The following WWOX variants were observed in gnomAD, a reference collection of about 807,000 sequenced individuals.
WWOX encodes the protein WW domain-containing oxidoreductase.
Under a neutral mutation model 46.2 loss-of-function variants are expected in WWOX, and 69 were observed. The observed-to-expected ratio is 1.49, with a 90% CI of 1.23 to 1.82. WWOX has a LOEUF of 1.82. WWOX is among the 40% of genes most tolerant of loss of function. The pLI is 0.00. For synonymous variants in WWOX, 359 were observed against 202.6 expected, an observed-to-expected ratio of 1.77 and a Z score of -6.56; for missense variants, 919 against 542.6, an observed-to-expected ratio of 1.69 and a Z score of -6.89.
intron 8 of WWOX, among the ~76,000 whole-genome samples, chr16:78,508,522 G>A (rs1436527560): frequency 1.3e-5 from 2 of 152,084 alleles, no homozygotes; most frequent in Non-Finnish European, 2.9e-5. Context: ...TGGCCTTGAT[G>A]TCGGAGTGTT....
At chr16:78,994,563 T>C (rs11150130) in intron 8 of WWOX, among the ~76,000 whole-genome samples, 151,205 of 152,290 alleles carry the variant, frequency 0.99, 75,072 homozygotes, top group East Asian at 1. Context: ...GAAATGAATG[T>C]GAAGACCGAG....
intron 8 of WWOX, among the ~76,000 whole-genome samples, chr16:78,701,539 C>G (rs930095842): frequency 3.3e-5 from 5 of 152,098 alleles, no homozygotes; most frequent in Non-Finnish European, 5.9e-5. Flanking sequence ...TACTCCCTCT[C>G]CCTACTTTTC....
At position 79,212,246 on chromosome 16, in the gene WWOX, C is replaced by T. The variant is rs2051789332; in HGVS notation, c.*450C>T. 2 of 1,335,044 alleles carry T rather than the reference C, an allele frequency of 1.5e-6. No homozygotes were observed. Among genetic ancestry groups the T allele is most frequent in the Non-Finnish European group, 2.0e-6 (2 of 1,009,488 alleles). The allele number at this position is 1,335,044 out of a possible 1,614,324, so 82.7% of individuals were successfully genotyped here. ...GTTCACTGCTCCTTGCTGCATTGAT[C>T]CAGGAGATAATTGTTTCATTCATCC... On this transcript the variant is annotated 3_prime_UTR_variant, in exon 9 of 9. Coordinates refer to ENST00000566780, the MANE Select transcript of WWOX (RefSeq NM_016373.4).
chr16:78,366,506 C>T (rs1162369518), intron 5 of WWOX, among the ~76,000 whole-genome samples: 5 of 152,176 alleles, frequency 3.3e-5, no homozygotes, highest in Non-Finnish European at 5.9e-5. Context: ...AATTATAAGA[C>T]TGTTAGACTT....
At chr16:78,421,149 C>T (rs2082918619) in intron 6 of WWOX, among the ~76,000 whole-genome samples, 1 of 152,100 alleles carries the variant, frequency 6.6e-6, no homozygotes, top group African/African-American at 2.4e-5. Flanking sequence ...TATTAGTTTT[C>T]TAAAGCTATT....
chr16:78,452,762 C>G (rs558849139), intron 8 of WWOX, among the ~76,000 whole-genome samples: 1 of 151,788 alleles, frequency 6.6e-6, no homozygotes, highest in East Asian at 1.9e-4. Context: ...CAGGCATGAA[C>G]CACTGTGCCT....
intron 4 of WWOX, among the ~76,000 whole-genome samples, chr16:78,159,481 A>T (rs770054213): frequency 6.6e-6 from 1 of 152,102 alleles, no homozygotes; most frequent in Non-Finnish European, 1.5e-5. Flanking sequence ...CACACCCTGA[A>T]CCACACTTGT....
intron 8 of WWOX, among the ~76,000 whole-genome samples, chr16:78,856,288 G>T (rs1161162235): frequency 2.0e-5 from 3 of 152,178 alleles, no homozygotes; most frequent in Non-Finnish European, 2.9e-5. Context: ...GGCAAGTAGG[G>T]GCACCGAAAG....
chr16:78,407,905 C>G (rs1489191084), intron 6 of WWOX, among the ~76,000 whole-genome samples: 2 of 152,202 alleles, frequency 1.3e-5, no homozygotes, highest in Non-Finnish European at 2.9e-5. Context: ...TTTGCACATA[C>G]AGATTATGGC....
intron 8 of WWOX, among the ~76,000 whole-genome samples, chr16:78,522,661 T>C (rs906256309): frequency 1.3e-5 from 2 of 152,256 alleles, no homozygotes; most frequent in African/African-American, 2.4e-5. Context: ...TAATAAGTAA[T>C]TGAGCAGATG....
At chr16:78,477,758 T>C (rs527735970) in intron 8 of WWOX, among the ~76,000 whole-genome samples, 1 of 152,192 alleles carries the variant, frequency 6.6e-6, no homozygotes, top group Non-Finnish European at 1.5e-5. Context: ...TTTAGCACTT[T>C]AATTTTTTAA....
At chr16:79,099,571 T>C (rs532750776) in intron 8 of WWOX, among the ~76,000 whole-genome samples, 24 of 147,686 alleles carry the variant, frequency 1.6e-4, no homozygotes, top group African/African-American at 5.1e-4. Context: ...AGATTGTGTG[T>C]GCGTGTGTGT....
chr16:79,196,313 C>G (rs948016454), intron 8 of WWOX: 2 of 152,114 alleles, frequency 1.3e-5, no homozygotes, highest in Non-Finnish European at 2.9e-5. Context: ...CAATGAGAGA[C>G]CAAGTTGAAA....
In WWOX at chr16:78,524,412, A is replaced by G. The variant is rs112328164; in HGVS notation, c.1056+91660A>G. On this transcript the variant is annotated intron_variant, in intron 8 of 8. Transcript: ENST00000566780. Reference sequence around the variant, plus strand: ...CATTTATTTATTTATTTATTTGTTTATTTATTTATTTATTTATTTGTTTGT... The same window carrying G: ...CATTTATTTATTTATTTATTTGTTTGTTTATTTATTTATTTATTTGTTTGT... Among the ~76,000 whole-genome samples the G allele has an allele frequency of 2.1e-3, 300 of 144,354 alleles. 1 individual carries two copies. The highest frequency in any genetic ancestry group is 8.1e-3 in the African/African-American group (290 of 35,944). The allele number at this position is 144,354 out of a possible 152,430, so 94.7% of individuals were successfully genotyped here. A position where few individuals can be genotyped will look rare whatever the true frequency, so the allele number is the denominator to read the frequency against.
chr16:78,990,070 G>C (rs1206706033), intron 8 of WWOX, among the ~76,000 whole-genome samples: 1 of 151,696 alleles, frequency 6.6e-6, no homozygotes, highest in Non-Finnish European at 1.5e-5. Context: ...TGTAGTCTCA[G>C]CTACTCGGGA....
At chr16:78,191,773 T>C (rs1421713380) in intron 5 of WWOX, among the ~76,000 whole-genome samples, 2 of 152,208 alleles carry the variant, frequency 1.3e-5, no homozygotes, top group African/African-American at 4.8e-5. Context: ...TGGGAGGCGC[T>C]GCTGTGTGGA....
intron 5 of WWOX, among the ~76,000 whole-genome samples, chr16:78,200,375 AGAAAG>A (rs1360280958): frequency 6.6e-6 from 1 of 151,642 alleles, no homozygotes; most frequent in Non-Finnish European, 1.5e-5. Context: ...CAATAGGAAA[AGAAAG>A]GAGGAAGGAA....
chr16:78,922,570 G>C (rs923995965), intron 8 of WWOX, among the ~76,000 whole-genome samples: 1 of 152,178 alleles, frequency 6.6e-6, no homozygotes, highest in African/African-American at 2.4e-5. Context: ...GTAGAGACAG[G>C]GTTTCACCAT....
At chr16:79,016,959 A>G (rs2047426505) in intron 8 of WWOX, 1 of 152,198 alleles carries the variant, frequency 6.6e-6, no homozygotes, top group Non-Finnish European at 1.5e-5. Context: ...CTCGACCTCG[A>G]GAAGTGCTGG....
Sources: allele counts gnomAD v4.1 joint callset (sites outside exome capture counted in the v4.1 genomes callset), GRCh38; gene constraint gnomAD v4.1.1; transcripts MANE v1.5; gene names NCBI Gene and HGNC (gene_info 2026-07-23, HGNC 2026-07-21).